TRDMT1: variants seen among roughly 807,000 people sequenced by gnomAD.
The protein encoded by TRDMT1 is tRNA aspartic acid methyltransferase 1, also known as tRNA (cytosine(38)-C(5))-methyltransferase.
In TRDMT1, 49 loss-of-function variants were observed where a neutral mutation model predicts 51.2. The ratio of observed to expected loss-of-function variants is 0.96; its 90% CI spans 0.76 to 1.21. The LOEUF is 1.21. TRDMT1 is among the 50% of genes most tolerant of loss of function. TRDMT1 has a pLI of 0.00. For synonymous variants in TRDMT1, 187 were observed against 164.6 expected (o/e 1.14, Z -1.04); for missense variants, 534 against 462.3 (o/e 1.16, Z -1.42).
chr10:17,175,619 T>C (rs1842530604), intron 1 of TRDMT1, among the ~76,000 whole-genome samples: 1 of 149,906 alleles, frequency 6.7e-6, no homozygotes, highest in Admixed American at 6.7e-5. Flanking sequence ...GATTCTTTAA[T>C]ACCATTAGTT....
In TRDMT1 at chr10:17,138,783, T is replaced by C. The variant is rs1837498378; in HGVS notation, c.*10257A>G. 6.6e-6 allele frequency among the ~76,000 whole-genome samples: 1 copy of C among 151,696 alleles called. No individual in the cohort carries two copies. The highest frequency in any genetic ancestry group is 1.5e-5 in the Non-Finnish European group (1 of 67,920). The stretch of plus-strand genomic sequence containing the variant: ...AAGTTTTTTTTTTTAAGTAATATAA[T>C]CCCTTCATAAACAATGAGAAAAAAA... On this transcript the variant is annotated 3_prime_UTR_variant, in exon 11 of 11. Transcript: ENST00000377799.
At chr10:17,153,474 A>T in intron 10 of TRDMT1, 33 bp downstream of exon 10, 1 of 1,609,854 alleles carries the variant, frequency 6.2e-7, no homozygotes, top group Non-Finnish European at 8.5e-7. Flanking sequence ...GTTTTAATAC[A>T]TGAAAGCTGA....
chr10:17,174,420 T>C (rs2273735), intron 2 of TRDMT1, 131 bp downstream of exon 2: 251,618 of 577,026 alleles, frequency 0.44, 56,461 homozygotes, highest in African/African-American at 0.53. Context: ...AATGTTAATC[T>C]CCTTCTCCTG....
intron 3 of TRDMT1, among the ~76,000 whole-genome samples, chr10:17,167,549 T>A (rs1841381534): frequency 6.6e-6 from 1 of 152,154 alleles, no homozygotes. Flanking sequence ...AATACTCTTA[T>A]TAAAAATATC....
Position 17,191,162 on chromosome 10 carries a change from G to A in TRDMT1, c.64+10409C>T, listed in dbSNP as rs575664807. 3.0e-4 allele frequency among the ~76,000 whole-genome samples: 46 copies of A among 152,090 alleles called. 1 individual carries two copies. Among genetic ancestry groups the A allele is most frequent in the Non-Finnish European group, 5.4e-4 (37 of 68,024 alleles). ...GGAGCCTGGAGTAGAGTGAGCAAGG[G>A]GACAGCCACAGGAGATGTGGCCCCA... is the stretch of plus-strand genomic sequence containing the variant. On this transcript the variant is annotated intron_variant, in intron 1 of 10. Transcript: ENST00000377799.
At chr10:17,186,144 G>A (rs548648957) in intron 1 of TRDMT1, among the ~76,000 whole-genome samples, 2 of 152,044 alleles carry the variant, frequency 1.3e-5, no homozygotes, top group South Asian at 4.2e-4. Context: ...TGAATATTTG[G>A]TGGTATACAT....
intron 1 of TRDMT1, 112 bp downstream of exon 1, chr10:17,201,459 C>T: frequency 8.4e-7 from 1 of 1,192,544 alleles, no homozygotes; most frequent in Non-Finnish European, 1.2e-6. Flanking sequence ...CCCACAGTGT[C>T]CGCCCCACAG....
Position 17,146,510 on chromosome 10 carries a change from C to T in TRDMT1, c.*2530G>A. The T allele has an allele frequency of 1.0e-6, 1 of 985,244 alleles. No individual in the cohort carries two copies. Among genetic ancestry groups the T allele is most frequent in the East Asian group, 1.1e-4 (1 of 8,810 alleles). The allele number at this position is 985,244 out of a possible 1,614,324, so 61.0% of individuals were successfully genotyped here. ...TTTTGTTTACATTAATTGATTTGGT[C>T]ATCTCTTAGAATTAGTTTTGGATCC... On this transcript the variant is annotated 3_prime_UTR_variant, in exon 11 of 11. Transcript: ENST00000377799.
Position 17,143,665 on chromosome 10 carries a change from G to T in TRDMT1, c.*5375C>A. On this transcript the variant is annotated 3_prime_UTR_variant, in exon 11 of 11. Coordinates refer to ENST00000377799, the MANE Select transcript of TRDMT1 (RefSeq NM_004412.7). ...AAATATGATTGCAAATATATGTGTGGGTGTTTTTAAATCTCAGTGACTTTT... is the reference window on the plus strand; with the variant it reads ...AAATATGATTGCAAATATATGTGTGTGTGTTTTTAAATCTCAGTGACTTTT... 1.0e-6 allele frequency: 1 copy of T among 985,284 alleles called. No individual in the cohort carries two copies. Among genetic ancestry groups the T allele is most frequent in the Non-Finnish European group, 1.2e-6 (1 of 829,902 alleles). The allele number at this position is 985,284 out of a possible 1,614,324, so 61.0% of individuals were successfully genotyped here.
In TRDMT1 at chr10:17,141,307, A is replaced by G. The variant is rs562076912; in HGVS notation, c.*7733T>C. Among the ~76,000 whole-genome samples, 10 of 151,648 alleles carry G rather than the reference A, an allele frequency of 6.6e-5. No individual in the cohort carries two copies. The highest frequency in any genetic ancestry group is 1.5e-5 in the Non-Finnish European group (1 of 68,004). ...CTCCCGAGTAGCTGGGACTACAGGC[A>G]TGCACCACCATGCCCGGCTAATTTT... is the stretch of plus-strand genomic sequence containing the variant. On this transcript the variant is annotated 3_prime_UTR_variant, in exon 11 of 11. Coordinates refer to ENST00000377799, the MANE Select transcript of TRDMT1 (RefSeq NM_004412.7).
intron 10 of TRDMT1, among the ~76,000 whole-genome samples, chr10:17,149,421 T>C (rs1244881980): frequency 1.3e-5 from 2 of 152,152 alleles, no homozygotes; most frequent in African/African-American, 2.4e-5. Flanking sequence ...CATGTATTAG[T>C]GCACTTTTTA....
chr10:17,152,124 A>T (rs1838823744), intron 10 of TRDMT1: 1 of 1,277,426 alleles, frequency 7.8e-7, no homozygotes, highest in Non-Finnish European at 1.0e-6. Context: ...AAAAAATAGT[A>T]GCTAGGAAAG....
At position 17,173,088 on chromosome 10, in the gene TRDMT1, A is replaced by T. The variant is rs190084400; in HGVS notation, c.174+1463T>A. Among the ~76,000 whole-genome samples, 239 of 152,304 alleles carry T rather than the reference A, an allele frequency of 1.6e-3. 3 individuals are homozygous for T. Among genetic ancestry groups the T allele is most frequent in the African/African-American group, 5.4e-3 (225 of 41,582 alleles). On this transcript the variant is annotated intron_variant, in intron 2 of 10. Coordinates refer to ENST00000377799, the MANE Select transcript of TRDMT1 (RefSeq NM_004412.7). ...ATTAGTGAAGAATAATGAATTTTTT[A>T]AAAATCCAAATAAAAATAGTGACAA...
At chr10:17,193,029 C>A (rs1844905046) in intron 1 of TRDMT1, among the ~76,000 whole-genome samples, 1 of 152,156 alleles carries the variant, frequency 6.6e-6, no homozygotes, top group Non-Finnish European at 1.5e-5. Context: ...CTCTATTCAA[C>A]ATAGTATTGG....
intron 1 of TRDMT1, among the ~76,000 whole-genome samples, chr10:17,191,999 T>C (rs970339181): frequency 1.3e-5 from 2 of 152,104 alleles, no homozygotes; most frequent in African/African-American, 4.8e-5. Context: ...TGAGGCAAGG[T>C]GGCATTAGTC....
intron 1 of TRDMT1, 140 bp from the exon 2 acceptor site, chr10:17,174,800 G>A: frequency 1.5e-6 from 1 of 665,110 alleles, no homozygotes; most frequent in Non-Finnish European, 2.6e-6. Flanking sequence ...TGGAAGGTCA[G>A]GCCAGGGGAA....
chr10:17,176,190 G>A (rs1426133426), intron 1 of TRDMT1, among the ~76,000 whole-genome samples: 2 of 152,140 alleles, frequency 1.3e-5, no homozygotes, highest in Non-Finnish European at 2.9e-5. Flanking sequence ...CACTGTAAGA[G>A]AGCTGAAAAT....
chr10:17,159,065 T>C, intron 7 of TRDMT1, 81 bp downstream of exon 7: 6 of 944,234 alleles, frequency 6.4e-6, no homozygotes, highest in Non-Finnish European at 7.6e-6. Flanking sequence ...ACAAAGTAGT[T>C]CTTGAAAATA....
Position 17,162,258 on chromosome 10 carries a change from A to C in TRDMT1, c.252-21T>G, listed in dbSNP as rs45440103. ...CAATCCTAAAGGGGTAAAAAAAAAAAAAAACAAAAAAAAACACAGAAAGTT... is the reference window on the plus strand; with the variant it reads ...CAATCCTAAAGGGGTAAAAAAAAAACAAAACAAAAAAAAACACAGAAAGTT... On this transcript the variant is annotated intron_variant, in intron 3 of 10. Coordinates refer to ENST00000377799, the MANE Select transcript of TRDMT1 (RefSeq NM_004412.7). 445 of 1,532,040 alleles carry C rather than the reference A, an allele frequency of 2.9e-4. 2 individuals carry two copies. The highest frequency in any genetic ancestry group is 1.4e-3 in the African/African-American group (95 of 69,310). 94.9% of individuals were successfully genotyped at this position (1,532,040 alleles called of 1,614,324 possible).
Sources: allele counts gnomAD v4.1 joint callset (sites outside exome capture counted in the v4.1 genomes callset), GRCh38; gene constraint gnomAD v4.1.1; transcripts MANE v1.5; gene names NCBI Gene and HGNC (gene_info 2026-07-23, HGNC 2026-07-21).